GLIS3: variants seen among roughly 807,000 people sequenced by gnomAD.
The protein encoded by GLIS3 is GLIS family zinc finger 3.
GLIS3 carries 53 observed loss-of-function variants against 78.6 expected under a neutral mutation model. The ratio of observed to expected loss-of-function variants is 0.67; its 90% CI spans 0.54 to 0.85. The LOEUF is 0.85. Among genes scored for constraint, GLIS3 ranks in the 40% least tolerant of loss-of-function variants. The pLI is 0.00. For synonymous variants in GLIS3, 684 were observed against 509.9 expected (o/e 1.34, Z -4.60); for missense variants, 1,703 against 1,231.1 (o/e 1.38, Z -5.74).
At chr9:4,284,732 G>A (rs976660300) in intron 2 of GLIS3, among the ~76,000 whole-genome samples, 5 of 148,400 alleles carry the variant, frequency 3.4e-5, no homozygotes, top group Admixed American at 1.4e-4. Flanking sequence ...GCAACATAAC[G>A]AAATCCTGTC....
chr9:4,360,619 A>T, the GLIS3 span, among the ~76,000 whole-genome samples: 2 of 152,200 alleles, frequency 1.3e-5, no homozygotes, highest in Non-Finnish European at 2.9e-5. Flanking sequence ...AAAATTGAGG[A>T]TGAGAGATAT....
At chr9:4,390,942 C>G in the GLIS3 span, among the ~76,000 whole-genome samples, 2 of 152,176 alleles carry the variant, frequency 1.3e-5, no homozygotes, top group Non-Finnish European at 2.9e-5. Context: ...AGAAGGGAAA[C>G]AAGTTCTCCA....
At chr9:3,902,914 C>T (rs1823419024) in intron 6 of GLIS3, among the ~76,000 whole-genome samples, 2 of 152,262 alleles carry the variant, frequency 1.3e-5, no homozygotes, top group South Asian at 4.1e-4. Flanking sequence ...TGACTTTGGG[C>T]ATCTAGTTAG....
intron 2 of GLIS3, among the ~76,000 whole-genome samples, chr9:4,210,094 T>C (rs35679901): frequency 0.12 from 18,255 of 152,228 alleles, 1,188 homozygotes; most frequent in Middle Eastern, 0.19. Context: ...GGGCACCCCA[T>C]TGAGTATTTA....
At chr9:3,841,581 C>T (rs143037959) in intron 9 of GLIS3, among the ~76,000 whole-genome samples, 13 of 152,346 alleles carry the variant, frequency 8.5e-5, no homozygotes, top group South Asian at 4.1e-4. Flanking sequence ...CTGCCAACTA[C>T]TCCCTATAAC....
chr9:3,962,680 G>A (rs1246249670), intron 4 of GLIS3, among the ~76,000 whole-genome samples: 2 of 152,228 alleles, frequency 1.3e-5, no homozygotes, highest in Admixed American at 6.5e-5. Flanking sequence ...GTTGAGGAGA[G>A]TAAATAGGGA....
intron 2 of GLIS3, among the ~76,000 whole-genome samples, chr9:4,271,867 C>G (rs1012230792): frequency 1.3e-5 from 2 of 152,184 alleles, no homozygotes; most frequent in African/African-American, 2.4e-5. Context: ...TCGGAGCAAA[C>G]CTGGATTCAG....
the GLIS3 span, among the ~76,000 whole-genome samples, chr9:4,476,536 A>G: frequency 6.6e-6 from 1 of 151,744 alleles, no homozygotes; most frequent in African/African-American, 2.4e-5. Flanking sequence ...TAATTTTTGC[A>G]TTTTTAGTAA....
At chr9:4,044,657 A>G (rs1291482329) in intron 4 of GLIS3, among the ~76,000 whole-genome samples, 1 of 152,206 alleles carries the variant, frequency 6.6e-6, no homozygotes, top group African/African-American at 2.4e-5. Flanking sequence ...GGTGGTCTAC[A>G]AGGTGAACCA....
chr9:4,117,236 C>T (rs1394430997), intron 4 of GLIS3, among the ~76,000 whole-genome samples: 2 of 152,222 alleles, frequency 1.3e-5, no homozygotes, highest in Admixed American at 1.3e-4. Flanking sequence ...TAGCTAGTCT[C>T]TCAACCCTGG....
intron 6 of GLIS3, among the ~76,000 whole-genome samples, chr9:3,902,828 T>G (rs756913899): frequency 5.9e-5 from 9 of 152,310 alleles, no homozygotes; most frequent in Middle Eastern, 6.8e-3. Context: ...CCTAGCATTT[T>G]TAAATATAGG....
chr9:4,361,961 C>G, the GLIS3 span, among the ~76,000 whole-genome samples: 1 of 152,174 alleles, frequency 6.6e-6, no homozygotes, highest in African/African-American at 2.4e-5. Context: ...AATATGCAAG[C>G]AGTTTAATGG....
intron 4 of GLIS3, among the ~76,000 whole-genome samples, chr9:4,041,313 C>T (rs1327180384): frequency 6.6e-6 from 1 of 152,156 alleles, no homozygotes; most frequent in Non-Finnish European, 1.5e-5. Flanking sequence ...GGGAAACTGC[C>T]AAACATCCTA....
intron 7 of GLIS3, among the ~76,000 whole-genome samples, chr9:3,895,407 C>T (rs1473180455): frequency 6.6e-6 from 1 of 152,184 alleles, no homozygotes; most frequent in African/African-American, 2.4e-5. Flanking sequence ...TGTTAGGTTA[C>T]AACACTGCTC....
chr9:4,157,697 G>C (rs543832165), intron 2 of GLIS3, among the ~76,000 whole-genome samples: 17 of 152,008 alleles, frequency 1.1e-4, no homozygotes, highest in Non-Finnish European at 1.9e-4. Flanking sequence ...TCCTCCTTTA[G>C]TGCATGCATT....
Position 4,000,258 on chromosome 9 carries a change from A to G in GLIS3, c.1711-63069T>C, listed in dbSNP as rs541149325. 4.6e-4 allele frequency among the ~76,000 whole-genome samples: 70 copies of G among 152,322 alleles called. 1 individual carries two copies. Among genetic ancestry groups the G allele is most frequent in the African/African-American group, 1.6e-3 (66 of 41,582 alleles). On this transcript the variant is annotated intron_variant, in intron 4 of 10. Coordinates refer to ENST00000381971, the MANE Select transcript of GLIS3 (RefSeq NM_001042413.2). ...GAAATATATTTAGTAGGATCCTATT[A>G]TATACACTTCAAAAGCAGGCAAAAC... is the stretch of plus-strand genomic sequence containing the variant.
intron 8 of GLIS3, among the ~76,000 whole-genome samples, chr9:3,861,757 G>C (rs934772730): frequency 1.1e-4 from 16 of 152,156 alleles, no homozygotes; most frequent in Non-Finnish European, 1.9e-4. Context: ...GACACAGGGA[G>C]GGGAACAGCA....
chr9:4,419,509 G>A, the GLIS3 span, among the ~76,000 whole-genome samples: 26 of 152,284 alleles, frequency 1.7e-4, no homozygotes, highest in African/African-American at 6.3e-4. Context: ...ACCAGCTCTG[G>A]CCAGGTGCGG....
intron 4 of GLIS3, among the ~76,000 whole-genome samples, chr9:4,019,631 A>G (rs1248457281): frequency 6.6e-6 from 1 of 152,204 alleles, no homozygotes; most frequent in Non-Finnish European, 1.5e-5. Context: ...CTACACACAG[A>G]TAAGTGCTAT....
Sources: gnomAD v4.1 joint callset for allele counts (sites outside exome capture counted in the v4.1 genomes callset) on GRCh38, gnomAD v4.1.1 for gene constraint, MANE v1.5 for transcripts, NCBI Gene and HGNC (gene_info 2026-07-23, HGNC 2026-07-21) for gene names.